STXBP5L: variants seen among roughly 807,000 people sequenced by gnomAD.
STXBP5L encodes syntaxin binding protein 5L.
In STXBP5L, 65 loss-of-function variants were observed where a neutral mutation model predicts 144.5. That is an observed-to-expected ratio of 0.45 (90% CI 0.37 to 0.55). STXBP5L has a LOEUF of 0.55. Among genes scored for constraint, STXBP5L ranks in the 20% least tolerant of loss-of-function variants. STXBP5L has a pLI of 0.00. For synonymous variants in STXBP5L, 505 were observed against 469.6 expected (o/e 1.08, Z -0.97); for missense variants, 1,298 against 1,405.5 (o/e 0.92, Z 1.22).
chr3:121,086,849 G>C (rs2042521002), intron 5 of STXBP5L, among the ~76,000 whole-genome samples: 1 of 152,024 alleles, frequency 6.6e-6, no homozygotes, highest in African/African-American at 2.4e-5. Flanking sequence ...GTTAGTGTAA[G>C]TACTTACACT....
chr3:121,029,179 C>T (rs1371385885), intron 3 of STXBP5L, among the ~76,000 whole-genome samples: 1 of 152,122 alleles, frequency 6.6e-6, no homozygotes, highest in Admixed American at 6.6e-5. Context: ...GAAAATACTA[C>T]TTTAAATTTC....
chr3:121,063,890 C>G (rs191652196), intron 5 of STXBP5L, among the ~76,000 whole-genome samples: 66 of 152,092 alleles, frequency 4.3e-4, no homozygotes, highest in Admixed American at 1.2e-3. Flanking sequence ...GTGTTGACAG[C>G]AAGAGTTTCA....
chr3:120,950,777 T>C (rs1355257925), intron 2 of STXBP5L, among the ~76,000 whole-genome samples: 2 of 152,046 alleles, frequency 1.3e-5, no homozygotes, highest in Non-Finnish European at 2.9e-5. Flanking sequence ...CTACCAATGA[T>C]TTTCTTCACA....
chr3:121,041,681 T>G lies in STXBP5L; in HGVS notation c.288-19T>G. The stretch of plus-strand genomic sequence containing the variant: ...GGTGCTAATTAAAATGTTAGAATCC[T>G]TGACTTTTATTATATTAGACTCGGG... On this transcript the variant is annotated intron_variant, in intron 3 of 26. Coordinates refer to ENST00000471454, the MANE Select transcript of STXBP5L (RefSeq NM_001308330.2). The G allele has an allele frequency of 6.3e-7, 1 of 1,588,870 alleles. No homozygotes were observed. The highest frequency in any genetic ancestry group is 8.6e-7 in the Non-Finnish European group (1 of 1,157,768).
chr3:121,301,545 C>G (rs1282068967), intron 19 of STXBP5L, among the ~76,000 whole-genome samples: 1 of 152,146 alleles, frequency 6.6e-6, no homozygotes, highest in Non-Finnish European at 1.5e-5. Flanking sequence ...ATTTCCTTCT[C>G]CTGCCTAATT....
At chr3:121,220,306 AT>A (rs1458558244) in intron 10 of STXBP5L, among the ~76,000 whole-genome samples, 1 of 152,032 alleles carries the variant, frequency 6.6e-6, no homozygotes, top group Non-Finnish European at 1.5e-5. Flanking sequence ...ATAATTTGTT[AT>A]TTTTTATTAA....
At chr3:121,085,529 A>G (rs1229775694) in intron 5 of STXBP5L, among the ~76,000 whole-genome samples, 1 of 152,190 alleles carries the variant, frequency 6.6e-6, no homozygotes, top group Non-Finnish European at 1.5e-5. Context: ...ATATACACCA[A>G]CAATAGACAA....
intron 14 of STXBP5L, among the ~76,000 whole-genome samples, chr3:121,247,288 C>A (rs1577298098): frequency 6.6e-6 from 1 of 152,220 alleles, no homozygotes; most frequent in East Asian, 1.9e-4. Context: ...AGTTTGAGTT[C>A]TCCAACTTTG....
At chr3:121,397,267 G>C (rs2046754463) in intron 22 of STXBP5L, among the ~76,000 whole-genome samples, 1 of 152,202 alleles carries the variant, frequency 6.6e-6, no homozygotes, top group South Asian at 2.1e-4. Flanking sequence ...TATAGCAGGA[G>C]AAGGCAATCC....
chr3:121,189,727 C>T (rs921123903), intron 9 of STXBP5L, among the ~76,000 whole-genome samples: 7 of 152,008 alleles, frequency 4.6e-5, no homozygotes, highest in Non-Finnish European at 1.0e-4. Flanking sequence ...TCCATATGAA[C>T]TTTAAAATAG....
intron 3 of STXBP5L, among the ~76,000 whole-genome samples, chr3:121,006,874 G>A (rs868614704): frequency 3.3e-5 from 5 of 152,078 alleles, no homozygotes; most frequent in Admixed American, 1.3e-4. Context: ...GTTGAATATT[G>A]GCCCCCACTC....
chr3:120,998,160 T>C (rs1447203306), intron 3 of STXBP5L, among the ~76,000 whole-genome samples: 1 of 152,136 alleles, frequency 6.6e-6, no homozygotes, highest in Non-Finnish European at 1.5e-5. Context: ...TTATTCCCCT[T>C]GAAAACCACA....
At chr3:121,305,406 T>C (rs559876716) in intron 19 of STXBP5L, among the ~76,000 whole-genome samples, 2 of 151,976 alleles carry the variant, frequency 1.3e-5, no homozygotes, top group African/African-American at 4.8e-5. Flanking sequence ...GATGCAAAAA[T>C]CAGATATAAA....
At chr3:121,184,892 G>T (rs2047309842) in intron 9 of STXBP5L, among the ~76,000 whole-genome samples, 1 of 152,186 alleles carries the variant, frequency 6.6e-6, no homozygotes, top group African/African-American at 2.4e-5. Context: ...CAAGCCAAAA[G>T]AGAGTGGGGA....
intron 3 of STXBP5L, among the ~76,000 whole-genome samples, chr3:121,028,283 C>A (rs1318770428): frequency 6.6e-6 from 1 of 151,956 alleles, no homozygotes; most frequent in Non-Finnish European, 1.5e-5. Flanking sequence ...GAAATAATAA[C>A]TTTTTCAGGC....
chr3:121,078,696 C>A (rs2042129102), intron 5 of STXBP5L, among the ~76,000 whole-genome samples: 1 of 152,168 alleles, frequency 6.6e-6, no homozygotes, highest in African/African-American at 2.4e-5. Context: ...TGAGCCCTGC[C>A]CCACAGGGAG....
intron 3 of STXBP5L, among the ~76,000 whole-genome samples, chr3:120,977,374 C>CT (rs1376734025): frequency 1.3e-5 from 2 of 151,948 alleles, no homozygotes; most frequent in African/African-American, 2.4e-5. Flanking sequence ...CAACCCCTGC[C>CT]TTTTTTTGTT....
chr3:121,163,013 C>G (rs188472754), intron 9 of STXBP5L, among the ~76,000 whole-genome samples: 150 of 152,188 alleles, frequency 9.9e-4, no homozygotes, highest in Admixed American at 3.2e-3. Flanking sequence ...GACAGTCTGG[C>G]GATTCCTCAA....
At chr3:121,416,124 GTACCA>G (rs1203229584) in intron 25 of STXBP5L, among the ~76,000 whole-genome samples, 156 bp downstream of exon 25, 1 of 129,006 alleles carries the variant, frequency 7.8e-6, no homozygotes, top group Non-Finnish European at 1.6e-5. Context: ...GTTTCCTTCT[GTACCA>G]TAAAAATCAT....
Sources: allele counts gnomAD v4.1 joint callset (sites outside exome capture counted in the v4.1 genomes callset), GRCh38; gene constraint gnomAD v4.1.1; transcripts MANE v1.5; gene names NCBI Gene and HGNC (gene_info 2026-07-23, HGNC 2026-07-21).